Variants in RNF144A observed in about 807,000 individuals in gnomAD.
RNF144A encodes ring finger protein 144A.
Under a neutral mutation model 38.7 loss-of-function variants are expected in RNF144A, and 11 were observed. That is an observed-to-expected ratio of 0.28 (90% CI 0.18 to 0.47). The LOEUF is 0.47. Among genes scored for constraint, RNF144A ranks in the 20% least tolerant of loss-of-function variants. The pLI is 0.99. For synonymous variants in RNF144A, 149 were observed against 143.9 expected, an observed-to-expected ratio of 1.04 and a Z score of -0.25; for missense variants, 316 against 377.2, an observed-to-expected ratio of 0.84 and a Z score of 1.34.
rs1221637774 is a variant in RNF144A, at chr2:6,917,455, G to C, written c.-379G>C. ...CCCGCCCGCGCAGCCGCTTCTCCCC[G>C]CGCGGGCTCTCGGCAGGCGGGAGGC... On this transcript the variant is annotated 5_prime_UTR_variant, in exon 1 of 9. Coordinates refer to ENST00000320892, the MANE Select transcript of RNF144A (RefSeq NM_014746.6). This position sits in a 1 kb window ranked among gnomAD's most constrained non-coding sequence, Gnocchi z 4.8. 4.8e-5 allele frequency: 7 copies of C among 146,904 alleles called. No homozygotes were observed. The highest frequency in any genetic ancestry group is 4.7e-4 in the Admixed American group (7 of 14,802). The allele number at this position is 146,904 out of a possible 1,614,324, so 9.1% of individuals were successfully genotyped here.
At chr2:6,929,139 A>G (rs749170834) in intron 1 of RNF144A, among the ~76,000 whole-genome samples, 1 of 152,250 alleles carries the variant, frequency 6.6e-6, no homozygotes, top group Non-Finnish European at 1.5e-5. Flanking sequence ...TGTTATGTCA[A>G]CAAAATTGAA....
In RNF144A at chr2:7,031,091, C is replaced by G. The variant is rs546759179; in HGVS notation, c.747+876C>G. On this transcript the variant is annotated intron_variant, in intron 8 of 8. Coordinates refer to ENST00000320892, the MANE Select transcript of RNF144A (RefSeq NM_014746.6). ...CAGATGAAGGTTTGCTCGTTTGCTT[C>G]CCCCACCCCCACCACTCACTCCTGC... Among the ~76,000 whole-genome samples, 3 of 152,088 alleles carry G rather than the reference C, an allele frequency of 2.0e-5. No homozygotes were observed. In the South Asian group the frequency reaches 6.2e-4, roughly 32 times the overall value.
At chr2:7,000,880 T>G (rs906687115) in intron 3 of RNF144A, among the ~76,000 whole-genome samples, 3 of 150,914 alleles carry the variant, frequency 2.0e-5, no homozygotes, top group Non-Finnish European at 3.0e-5. Context: ...ATATATAATT[T>G]TTTTTTGCTT....
chr2:7,044,247 CT>C, downstream of RNF144A: 1 of 897,666 alleles, frequency 1.1e-6, no homozygotes, highest in African/African-American at 1.8e-5. Context: ...AATATTCTAT[CT>C]TCAGTCTTCA....
chr2:7,024,643 C>A (rs889143790), intron 7 of RNF144A, 127 bp downstream of exon 7: 2 of 1,053,226 alleles, frequency 1.9e-6, no homozygotes, highest in Non-Finnish European at 2.7e-6. Flanking sequence ...GAAGCAACAC[C>A]GTTTGGTGTT....
At chr2:6,927,016 G>A (rs538103095) in intron 1 of RNF144A, among the ~76,000 whole-genome samples, 2 of 152,116 alleles carry the variant, frequency 1.3e-5, no homozygotes, top group Non-Finnish European at 2.9e-5. Context: ...TTAAACTTGC[G>A]GTACTTTGTT....
rs76334148 is a variant in RNF144A at position 6,974,300 on chromosome 2, A to T, written c.-11-22616A>T. Among the ~76,000 whole-genome samples, 149 of 152,304 alleles carry T rather than the reference A, an allele frequency of 9.8e-4. 2 individuals carry two copies. The East Asian group carries it at 0.026, about 27-fold the overall frequency. ...TCTAGTTTTCAGAAAATAATTAAAT[A>T]CAGCATTGTGGTTCAGAGCATGGGG... On this transcript the variant is annotated intron_variant, in intron 2 of 8. Coordinates refer to ENST00000320892, the MANE Select transcript of RNF144A (RefSeq NM_014746.6).
intron 2 of RNF144A, among the ~76,000 whole-genome samples, chr2:6,968,444 C>A (rs933035351): frequency 2.6e-5 from 4 of 152,250 alleles, no homozygotes; most frequent in East Asian, 1.9e-4. Context: ...TGGCTCTTCA[C>A]CTCCTCAGCT....
intron 3 of RNF144A, among the ~76,000 whole-genome samples, chr2:7,013,814 G>A (rs1314728411): frequency 6.6e-6 from 1 of 152,172 alleles, no homozygotes; most frequent in Non-Finnish European, 1.5e-5. Flanking sequence ...GCTTTAAGCA[G>A]TGCCCCCAAG....
At chr2:6,979,440 C>T (rs1668499015) in intron 2 of RNF144A, among the ~76,000 whole-genome samples, 1 of 152,188 alleles carries the variant, frequency 6.6e-6, no homozygotes, top group Non-Finnish European at 1.5e-5. Flanking sequence ...TCTGTCATTG[C>T]CATTGTTAAA....
At chr2:6,963,495 T>C (rs1053509105) in intron 2 of RNF144A, among the ~76,000 whole-genome samples, 10 of 152,158 alleles carry the variant, frequency 6.6e-5, no homozygotes, top group African/African-American at 2.2e-4. Context: ...CTTGCCTCCT[T>C]CTTCTTCTCA....
At chr2:7,060,500 A>G (rs540054682) in intron 6 of RNF144A, among the ~76,000 whole-genome samples, 1 of 152,294 alleles carries the variant, frequency 6.6e-6, no homozygotes, top group Non-Finnish European at 1.5e-5. Flanking sequence ...TAACATTCCA[A>G]TGCCCTTTAT....
intron 3 of RNF144A, among the ~76,000 whole-genome samples, chr2:7,004,432 A>G (rs1171852372): frequency 1.3e-5 from 2 of 152,206 alleles, no homozygotes; most frequent in African/African-American, 4.8e-5. Flanking sequence ...GATGGGATCT[A>G]GTAACTGGCT....
At position 6,917,415 on chromosome 2, in the gene RNF144A, T is replaced by TGTGCGC; in HGVS notation, c.-417_-412dup. 1 of 146,226 alleles carries TGTGCGC rather than the reference T, an allele frequency of 6.8e-6. No homozygotes were observed. Among genetic ancestry groups the TGTGCGC allele is most frequent in the East Asian group, 2.0e-4 (1 of 5,018 alleles). 9.1% of individuals were successfully genotyped at this position (146,226 alleles called of 1,614,324 possible). A position where few individuals can be genotyped will look rare whatever the true frequency, so the allele number is the denominator to read the frequency against. On this transcript the variant is annotated 5_prime_UTR_variant, in exon 1 of 9. Transcript: ENST00000320892. This position sits in a 1 kb window ranked among gnomAD's most constrained non-coding sequence, Gnocchi z 4.8. ...CCGAGCCTCCCGCGTGCCCGGCCTC[T>TGTGCGC]GTGCGCGCTCGCGCCCCGCCCGCGC...
At chr2:6,936,844 AGTGTGTGTGT>A (rs55971680) in intron 1 of RNF144A, among the ~76,000 whole-genome samples, 16 of 144,198 alleles carry the variant, frequency 1.1e-4, no homozygotes, top group East Asian at 6.4e-4. Flanking sequence ...CACACACAGT[AGTGTGTGTGT>A]GTGTGTGTGT....
chr2:7,046,465 G>C (rs1231774343), downstream of RNF144A, among the ~76,000 whole-genome samples: 2 of 152,222 alleles, frequency 1.3e-5, no homozygotes, highest in Admixed American at 1.3e-4. Flanking sequence ...CCTGTTTCCT[G>C]TTTGAACATT....
chr2:7,014,824 G>A (rs1410417688), intron 5 of RNF144A, 52 bp downstream of exon 5: 1 of 1,344,750 alleles, frequency 7.4e-7, no homozygotes, highest in Non-Finnish European at 1.1e-6. Context: ...TGTGAATGTG[G>A]ATAATTTTGT....
chr2:6,970,002 C>T (rs990982838), intron 2 of RNF144A, among the ~76,000 whole-genome samples: 1 of 152,216 alleles, frequency 6.6e-6, no homozygotes, highest in Non-Finnish European at 1.5e-5. Context: ...CCTTGTGATC[C>T]ACCTGCCTCA....
At chr2:6,935,984 GGGAGGTACCTTCA>G (rs1665548713) in intron 1 of RNF144A, among the ~76,000 whole-genome samples, 1 of 152,184 alleles carries the variant, frequency 6.6e-6, no homozygotes, top group Non-Finnish European at 1.5e-5. Flanking sequence ...CAGATGCTTT[GGGAGGTACCTTCA>G]ATATCTGTCA....
Sources: gnomAD v4.1 joint callset for allele counts (sites outside exome capture counted in the v4.1 genomes callset) on GRCh38, gnomAD v4.1.1 for gene constraint, Gnocchi (gnomAD v3.1) non-coding constraint, MANE v1.5 for transcripts, NCBI Gene and HGNC (gene_info 2026-07-23, HGNC 2026-07-21) for gene names.